COL7A1: variants seen among roughly 807,000 people sequenced by gnomAD.
The protein encoded by COL7A1 is collagen alpha-1(VII) chain.
A neutral mutation model predicts 456.2 loss-of-function variants in COL7A1; 296 were observed. The observed-to-expected ratio is 0.65, with a 90% CI of 0.59 to 0.71. The LOEUF is 0.71. Among genes scored for constraint, COL7A1 ranks in the 30% least tolerant of loss-of-function variants. The pLI is 0.00. For missense variants in COL7A1, 3,441 were observed against 4,017.2 expected (o/e 0.86, Z 3.88); for synonymous variants, 1,464 against 1,525.9 (o/e 0.96, Z 0.95).
chr3:48,574,600 A>G lies in COL7A1; in HGVS notation c.6394-50T>C. 4.3e-6 allele frequency: 7 copies of G among 1,613,838 alleles called. No homozygotes were observed. The highest frequency in any genetic ancestry group is 5.9e-6 in the Non-Finnish European group (7 of 1,180,008). ...AGCCCCCAGTCCCTGCCACGTGCCCAGGTGCATATGCACACCACCTCTAGT... is the reference window on the plus strand; with the variant it reads ...AGCCCCCAGTCCCTGCCACGTGCCCGGGTGCATATGCACACCACCTCTAGT... On this transcript the variant is annotated intron_variant, in intron 78 of 118. Coordinates refer to ENST00000681320, the MANE Select transcript of COL7A1 (RefSeq NM_000094.4). The surrounding 1 kb of genome is among the most constrained non-coding windows in gnomAD (Gnocchi z 5.0).
In COL7A1 at chr3:48,584,319, C is replaced by G. The variant is rs1353507988; in HGVS notation, c.4176G>C (p.Gly1392=). ...TCACCTTCATGGCTGTTCCAGGAAGCCCTGGGGGGCCACGGGGTCCTGGGT... is the reference window on the plus strand; with the variant it reads ...TCACCTTCATGGCTGTTCCAGGAAGGCCTGGGGGGCCACGGGGTCCTGGGT... ...LGDPGPRGPP[G]LPGTAMKGDK... The change falls in exon 37 of 119, where the codon GGG becomes GGC. Residue 1392 remains glycine (G), a synonymous_variant. Coordinates refer to ENST00000681320, the MANE Select transcript of COL7A1 (RefSeq NM_000094.4). 3 of 1,611,864 alleles carry G rather than the reference C, an allele frequency of 1.9e-6. No individual in the cohort carries two copies. The East Asian group carries it at 6.7e-5, about 36-fold the overall frequency.
At position 48,570,645 on chromosome 3, in the gene COL7A1, C is replaced by A. The variant is rs752380571; in HGVS notation, c.7338G>T (p.Gly2446=). Reference sequence around the variant, plus strand: ...TTAGGGCACCTCTACTCACCACTGACCCCGGTGGTCCAGGTGGCCCCAGGG... The same window carrying A: ...TTAGGGCACCTCTACTCACCACTGAACCCGGTGGTCCAGGTGGCCCCAGGG... The part of the protein sequence containing the change: ...PGPLGPPGPP[G]SVGPPGASGL... The change falls in exon 96 of 119, where the codon GGG becomes GGT. Residue 2446 remains glycine, a synonymous_variant. Transcript: ENST00000681320. This position sits in a 1 kb window ranked among gnomAD's most constrained non-coding sequence, Gnocchi z 5.5. 12 of 1,601,502 alleles carry A rather than the reference C, an allele frequency of 7.5e-6. No individual in the cohort carries two copies. In the East Asian group the frequency reaches 1.1e-4, roughly 15 times the overall value.
Position 48,575,885 on chromosome 3 carries a change from C to T in COL7A1, c.5838G>A (p.Leu1946=). The T allele has an allele frequency of 6.2e-7, 1 of 1,614,176 alleles. No homozygotes were observed. The highest frequency in any genetic ancestry group is 1.1e-5 in the South Asian group (1 of 91,088). ...AACCCACCTTGATGCCAGCAGTTTC[C>T]AGCAACCGATCCACATTCTGGGGAC... The part of the protein sequence containing the change: ...PGSVPNVDRL[L]ETAGIKASAL... The change falls in exon 72 of 119, where the codon CTG becomes CTA. Residue 1946 remains leucine (L), a synonymous_variant. Transcript: ENST00000681320. This position sits in a 1 kb window ranked among gnomAD's most constrained non-coding sequence, Gnocchi z 6.3.
rs532694641 is a variant in COL7A1, at chr3:48,580,451, T to A, written c.5053-107A>T. On this transcript the variant is annotated intron_variant, in intron 55 of 118. Transcript: ENST00000681320. This position sits in a 1 kb window ranked among gnomAD's most constrained non-coding sequence, Gnocchi z 4.5. ...AATGTTGGTAGCCTTCAGATGCGTG[T>A]GTGCAGGGGTCAAAGGAAGTGAAGA... 2.0e-6 allele frequency: 3 copies of A among 1,474,532 alleles called. No individual in the cohort carries two copies. The highest frequency in any genetic ancestry group is 2.8e-5 in the African/African-American group (2 of 71,608). 91.3% of individuals were successfully genotyped at this position (1,474,532 alleles called of 1,614,324 possible).
At position 48,565,433 on chromosome 3, in the gene COL7A1, C is replaced by A. The variant is rs139014122; in HGVS notation, c.8504G>T (p.Arg2835Leu). 34 of 1,612,200 alleles carry A rather than the reference C, an allele frequency of 2.1e-5. No individual in the cohort carries two copies. Among genetic ancestry groups the A allele is most frequent in the Non-Finnish European group, 2.9e-5 (34 of 1,179,230 alleles). The stretch of plus-strand genomic sequence containing the variant: ...ACCTTCCTCCTCTGCATGAGAGACG[C>A]GGAGCACAGGCACAGCATGGAGCTG... ...GSQLHAVPVL[R>L]VSHAEEEERV... The change falls in exon 116 of 119, where the codon CGC (arginine) becomes CTC (leucine). Residue 2835 changes from arginine (R) to leucine (L), a missense_variant. Arg to Leu is a moderately radical substitution (Grantham distance 102, BLOSUM62 -2). Transcript: ENST00000681320. The surrounding 1 kb of genome is among the most constrained non-coding windows in gnomAD (Gnocchi z 4.5).
chr3:48,565,027 G>A lies in COL7A1; in HGVS notation c.8621-47C>T, dbSNP rs1340960964. The A allele has an allele frequency of 1.2e-6, 2 of 1,613,394 alleles. No individual in the cohort carries two copies. Among genetic ancestry groups the A allele is most frequent in the Non-Finnish European group, 8.5e-7 (1 of 1,179,404 alleles). On this transcript the variant is annotated intron_variant, in intron 117 of 118. Coordinates refer to ENST00000681320, the MANE Select transcript of COL7A1 (RefSeq NM_000094.4). The surrounding 1 kb of genome is among the most constrained non-coding windows in gnomAD (Gnocchi z 4.5). Reference sequence around the variant, plus strand: ...AGCAGGGTTTGTGGGAATCAGAGAGGGTTGAAAGGTCAGGGGGAGGTCAGC... The same window carrying A: ...AGCAGGGTTTGTGGGAATCAGAGAGAGTTGAAAGGTCAGGGGGAGGTCAGC...
Position 48,594,721 on chromosome 3 carries a change from C to G in COL7A1, c.86-173G>C, listed in dbSNP as rs144057847. On this transcript the variant is annotated intron_variant, in intron 2 of 118. Transcript: ENST00000681320. The surrounding 1 kb of genome is among the most constrained non-coding windows in gnomAD (Gnocchi z 5.5). ...TTGGAGGGAGTTGAGCTCGGTGGGT[C>G]CCAGAGCAGACTCCCGCGGAGGGTT... is the stretch of plus-strand genomic sequence containing the variant. Among the ~76,000 whole-genome samples the G allele has an allele frequency of 5.4e-5, 8 of 149,176 alleles. No individual in the cohort carries two copies. Among genetic ancestry groups the G allele is most frequent in the Non-Finnish European group, 1.5e-5 (1 of 66,886 alleles).
Position 48,594,260 on chromosome 3 carries a change from C to T in COL7A1, c.266+108G>A. The T allele has an allele frequency of 7.3e-7, 1 of 1,365,838 alleles. No homozygotes were observed. The highest frequency in any genetic ancestry group is 1.0e-6 in the Non-Finnish European group (1 of 985,618). The allele number at this position is 1,365,838 out of a possible 1,614,324, so 84.6% of individuals were successfully genotyped here. On this transcript the variant is annotated intron_variant, in intron 3 of 118. Transcript: ENST00000681320. This position sits in a 1 kb window ranked among gnomAD's most constrained non-coding sequence, Gnocchi z 5.5. ...TAGGGGGTCTCTAGGTTCCCCAAAACTTGTTTCTGCAAAGACCTGGCCTGG... is the reference window on the plus strand; with the variant it reads ...TAGGGGGTCTCTAGGTTCCCCAAAATTTGTTTCTGCAAAGACCTGGCCTGG...
chr3:48,582,795 A>T (rs2044868028), intron 44 of COL7A1, 142 bp from the exon 45 acceptor site: 2 of 1,138,054 alleles, frequency 1.8e-6, no homozygotes, highest in Non-Finnish European at 2.6e-6. Context: ...TTGGCAGGAG[A>T]ACAGAGACCA....
At chr3:48,584,127 T>A in intron 37 of COL7A1, 66 bp from the exon 38 acceptor site, 2 of 1,612,074 alleles carry the variant, frequency 1.2e-6, no homozygotes. Context: ...CCAGGAGTGA[T>A]GAGGGTCATG....
rs1370883249 is a variant in COL7A1, at chr3:48,586,311, C to T, written c.3550+21G>A. The T allele has an allele frequency of 1.2e-6, 2 of 1,613,814 alleles. No homozygotes were observed. The highest frequency in any genetic ancestry group is 1.1e-5 in the South Asian group (1 of 91,076). Reference sequence around the variant, plus strand: ...GGCCACCCCTATTCCCAGACCCCTTCCCCATCAGCCTACTCCTTACCAGAA... The same window carrying T: ...GGCCACCCCTATTCCCAGACCCCTTTCCCATCAGCCTACTCCTTACCAGAA... On this transcript the variant is annotated intron_variant, in intron 27 of 118. Transcript: ENST00000681320. This position sits in a 1 kb window ranked among gnomAD's most constrained non-coding sequence, Gnocchi z 5.1.
Position 48,574,258 on chromosome 3 carries a change from T to C in COL7A1, c.6501+4A>G. ...TGGGGCCAGGTGCTTCAGCCACCAC[T>C]CACCGGCTTCCCTTCAGGCCCAGCC... is the stretch of plus-strand genomic sequence containing the variant. On this transcript the variant is annotated splice_donor_region_variant and intron_variant, in intron 80 of 118. Coordinates refer to ENST00000681320, the MANE Select transcript of COL7A1 (RefSeq NM_000094.4). The surrounding 1 kb of genome is among the most constrained non-coding windows in gnomAD (Gnocchi z 5.0). 1 of 1,613,908 alleles carries C rather than the reference T, an allele frequency of 6.2e-7. No individual in the cohort carries two copies.
At position 48,570,999 on chromosome 3, in the gene COL7A1, G is replaced by T; in HGVS notation, c.7165-31C>A. The T allele has an allele frequency of 6.2e-7, 1 of 1,611,624 alleles. No individual in the cohort carries two copies. The highest frequency in any genetic ancestry group is 1.1e-5 in the South Asian group (1 of 90,898). On this transcript the variant is annotated intron_variant, in intron 94 of 118. Coordinates refer to ENST00000681320, the MANE Select transcript of COL7A1 (RefSeq NM_000094.4). This position sits in a 1 kb window ranked among gnomAD's most constrained non-coding sequence, Gnocchi z 5.5. ...ATAAAAACAGCAAAGGGAGGGAATG[G>T]TCAATGCAGGACCCCTCCCAGGACT...
rs371822022 is a variant in COL7A1 at position 48,576,197 on chromosome 3, C to T, written c.5820+52G>A. The T allele has an allele frequency of 5.0e-6, 8 of 1,611,074 alleles. No individual in the cohort carries two copies. The Admixed American group carries it at 1.3e-4, about 27-fold the overall frequency. ...CAAGGGGAAGGGGATGGCAAGGTGG[C>T]CCCAATGGGCATGCAAAACAGAGTC... On this transcript the variant is annotated intron_variant, in intron 71 of 118. Transcript: ENST00000681320.
Position 48,585,962 on chromosome 3 carries a change from G to A in COL7A1, c.3737C>T (p.Pro1246Leu), listed in dbSNP as rs778581465. The A allele has an allele frequency of 4.3e-6, 7 of 1,614,036 alleles. No homozygotes were observed. The South Asian group carries it at 6.6e-5, about 15-fold the overall frequency. ...ASFTTQPRPE[P>L]CPVYCPKGQK... is the part of the protein sequence containing the mutation. ...TACCTTTGGACAATACACTGGGCAG[G>A]GCTCTGGCCGGGGCTGCGGACATAG... Residue 1246 changes from proline to leucine, a missense_variant, in exon 29 of 119, where the codon CCC (proline) becomes CTC (leucine). Coordinates refer to ENST00000681320, the MANE Select transcript of COL7A1 (RefSeq NM_000094.4). The surrounding 1 kb of genome is among the most constrained non-coding windows in gnomAD (Gnocchi z 4.5).
rs1024816261 is a variant in COL7A1 at position 48,592,348 on chromosome 3, C to T, written c.1093+3G>A. ...CTCCCCTCAGCCCACATCTCTCACT[C>T]ACCACTGAGGACCCGCCATGTCACA... On this transcript the variant is annotated splice_donor_region_variant and intron_variant, in intron 9 of 118. Transcript: ENST00000681320. The surrounding 1 kb of genome is among the most constrained non-coding windows in gnomAD (Gnocchi z 7.6). 7 of 1,613,318 alleles carry T rather than the reference C, an allele frequency of 4.3e-6. No homozygotes were observed. Among genetic ancestry groups the T allele is most frequent in the African/African-American group, 2.7e-5 (2 of 74,932 alleles).
In COL7A1 at chr3:48,568,240, G is replaced by A. The variant is rs990091106; in HGVS notation, c.7795-70C>T. On this transcript the variant is annotated intron_variant, in intron 105 of 118. Transcript: ENST00000681320. This position sits in a 1 kb window ranked among gnomAD's most constrained non-coding sequence, Gnocchi z 5.2. ...GGACCAAAGAGAATCGCCCTGGATA[G>A]TGGGTAGGGAACACCATGGGGTGGG... is the stretch of plus-strand genomic sequence containing the variant. 44 of 1,547,754 alleles carry A rather than the reference G, an allele frequency of 2.8e-5. 1 individual carries two copies. In the South Asian group the frequency reaches 4.4e-4, roughly 15 times the overall value.
Position 48,575,821 on chromosome 3 carries a change from C to T in COL7A1, c.5856+46G>A, listed in dbSNP as rs768589924. 52 of 1,613,966 alleles carry T rather than the reference C, an allele frequency of 3.2e-5. No individual in the cohort carries two copies. The highest frequency in any genetic ancestry group is 4.2e-5 in the Non-Finnish European group (49 of 1,180,036). On this transcript the variant is annotated intron_variant, in intron 72 of 118. Transcript: ENST00000681320. The surrounding 1 kb of genome is among the most constrained non-coding windows in gnomAD (Gnocchi z 6.3). ...CCTATGCCTGTGGGCACCACTAGCCCCAAGGGCCCCCACTTGTCCCTACCC... is the reference window on the plus strand; with the variant it reads ...CCTATGCCTGTGGGCACCACTAGCCTCAAGGGCCCCCACTTGTCCCTACCC...
chr3:48,570,494 G>T lies in COL7A1; in HGVS notation c.7351C>A (p.Pro2451Thr), dbSNP rs750365281. Residue 2451 changes from proline to threonine, a missense_variant, in exon 97 of 119, where the codon CCT (proline) becomes ACT (threonine). Pro to Thr is a conservative substitution (Grantham distance 38, BLOSUM62 -1). Coordinates refer to ENST00000681320, the MANE Select transcript of COL7A1 (RefSeq NM_000094.4). The surrounding 1 kb of genome is among the most constrained non-coding windows in gnomAD (Gnocchi z 5.5). ...PPGPPGSVGP[P>T]GASGLKGDKG... is the part of the protein sequence containing the mutation. Reference sequence around the variant, plus strand: ...TCTCCTTTGAGTCCAGAGGCCCCAGGTGGTCCCTGTAGGTCAGAGTGAGGT... The same window carrying T: ...TCTCCTTTGAGTCCAGAGGCCCCAGTTGGTCCCTGTAGGTCAGAGTGAGGT... 8 of 1,614,064 alleles carry T rather than the reference G, an allele frequency of 5.0e-6. No homozygotes were observed. Among genetic ancestry groups the T allele is most frequent in the Non-Finnish European group, 6.8e-6 (8 of 1,179,974 alleles).
Sources: gnomAD v4.1 joint callset for allele counts (sites outside exome capture counted in the v4.1 genomes callset) on GRCh38, gnomAD v4.1.1 for gene constraint, Gnocchi (gnomAD v3.1) non-coding constraint, MANE v1.5 for transcripts, NCBI Gene and HGNC (gene_info 2026-07-23, HGNC 2026-07-21) for gene names.